POLD2: variants seen among roughly 807,000 people sequenced by gnomAD.
The protein encoded by POLD2 is DNA polymerase delta 2, accessory subunit.
POLD2 carries 31 observed loss-of-function variants against 48.8 expected under a neutral mutation model. The observed-to-expected ratio is 0.64, with a 90% confidence interval of 0.48 to 0.86. POLD2 has a LOEUF of 0.86. Among genes scored for constraint, POLD2 ranks in the 40% least tolerant of loss-of-function variants. POLD2 has a pLI of 0.00. For missense variants in POLD2, 455 were observed against 610.1 expected, an observed-to-expected ratio of 0.75 and a Z score of 2.68; for synonymous variants, 233 against 256.3, an observed-to-expected ratio of 0.91 and a Z score of 0.87.
chr7:44,123,792 G>A, upstream of POLD2: 1 of 1,117,460 alleles, frequency 8.9e-7, no homozygotes, highest in East Asian at 3.3e-5. Flanking sequence ...GCGTGCAGGG[G>A]TTGGGCTGAC....
upstream of POLD2, chr7:44,123,697 A>T: frequency 3.7e-6 from 5 of 1,352,124 alleles, no homozygotes; most frequent in South Asian, 8.9e-5. Context: ...ACGCCCAGAG[A>T]ACGCGGAGCC....
chr7:44,118,760 C>T (rs2096244392), intron 2 of POLD2, among the ~76,000 whole-genome samples: 1 of 151,864 alleles, frequency 6.6e-6, no homozygotes, highest in African/African-American at 2.4e-5. Context: ...ACCTTGTGAT[C>T]TGCCCGCCTC....
Position 44,123,533 on chromosome 7 carries a change from C to T in POLD2, c.-79G>A. ...CACCGCGCGGCGCGCCGCATCCCGC[C>T]AATCCCCGCGCGCCTGCCCCGCCCA... On this transcript the variant is annotated 5_prime_UTR_variant, in exon 1 of 11. Transcript: ENST00000610533. 1 of 1,489,028 alleles carries T rather than the reference C, an allele frequency of 6.7e-7. No homozygotes were observed. The highest frequency in any genetic ancestry group is 8.9e-7 in the Non-Finnish European group (1 of 1,127,466). The allele number at this position is 1,489,028 out of a possible 1,614,324, so 92.2% of individuals were successfully genotyped here.
intron 1 of POLD2, chr7:44,123,147 T>G: frequency 4.3e-6 from 3 of 695,216 alleles, no homozygotes; most frequent in East Asian, 4.6e-5. Context: ...CTCCAATTGA[T>G]TTGTTTCGTT....
intron 2 of POLD2, among the ~76,000 whole-genome samples, chr7:44,120,329 G>A (rs553764177): frequency 3.9e-5 from 6 of 152,312 alleles, no homozygotes; most frequent in East Asian, 3.9e-4. Flanking sequence ...AGGTGCTGCC[G>A]GAAAGAATCT....
chr7:44,117,080 C>CA, intron 5 of POLD2, 53 bp downstream of exon 5: 1 of 1,609,568 alleles, frequency 6.2e-7, no homozygotes, highest in South Asian at 1.1e-5. Flanking sequence ...AGGTGCAACT[C>CA]AAAGATTCCA....
chr7:44,123,426 A>C, intron 1 of POLD2, 85 bp downstream of exon 1: 1 of 1,473,978 alleles, frequency 6.8e-7, no homozygotes, highest in Non-Finnish European at 8.9e-7. Flanking sequence ...GTCCGCCAAG[A>C]CACCAGCCCA....
At chr7:44,122,555 C>G (rs572316068) in intron 1 of POLD2, 2 of 689,118 alleles carry the variant, frequency 2.9e-6, no homozygotes, top group Non-Finnish European at 3.6e-6. Flanking sequence ...AAACCAAAAC[C>G]AAAACATAAA....
In POLD2 at chr7:44,116,478, G is replaced by T; in HGVS notation, c.813C>A (p.Ala271=). The change falls in exon 7 of 11, where the codon GCC becomes GCA. Residue 271 remains alanine, a synonymous_variant. Coordinates refer to ENST00000610533, the MANE Select transcript of POLD2 (RefSeq NM_006230.4). This position sits in a 1 kb window ranked among gnomAD's most constrained non-coding sequence, Gnocchi z 6.1. ...AKYLTKKTQA[A]SVEAVKMLDE... is the part of the protein sequence containing the mutation. ...CCAGCATCTTAACAGCCTCCACGCT[G>T]GCTGCCTGGGTTTTCTTGGTGAGGT... The T allele has an allele frequency of 6.3e-7, 1 of 1,583,788 alleles. No homozygotes were observed. The highest frequency in any genetic ancestry group is 2.3e-5 in the East Asian group (1 of 43,702).
In POLD2 at chr7:44,116,697, G is replaced by T; in HGVS notation, c.780+120C>A. On this transcript the variant is annotated intron_variant, in intron 6 of 10. Coordinates refer to ENST00000610533, the MANE Select transcript of POLD2 (RefSeq NM_006230.4). This position sits in a 1 kb window ranked among gnomAD's most constrained non-coding sequence, Gnocchi z 6.1. ...TGCAGGAGGCCCCAGAGTCACTGCAGGGCGCTTCCCACCGACCTGCGAGAC... is the reference window on the plus strand; with the variant it reads ...TGCAGGAGGCCCCAGAGTCACTGCATGGCGCTTCCCACCGACCTGCGAGAC... 1 of 1,142,602 alleles carries T rather than the reference G, an allele frequency of 8.8e-7. No homozygotes were observed. Among genetic ancestry groups the T allele is most frequent in the Non-Finnish European group, 1.3e-6 (1 of 791,548 alleles). 70.8% of individuals were successfully genotyped at this position (1,142,602 alleles called of 1,614,324 possible). A position where few individuals can be genotyped will look rare whatever the true frequency, so the allele number is the denominator to read the frequency against.
rs895565869 is a variant in POLD2 at position 44,115,353 on chromosome 7, C to A, written c.1191G>T (p.Glu397Asp). 1 of 1,614,070 alleles carries A rather than the reference C, an allele frequency of 6.2e-7. No homozygotes were observed. The highest frequency in any genetic ancestry group is 8.5e-7 in the Non-Finnish European group (1 of 1,179,892). Residue 397 changes from glutamate (E) to aspartate (D), a missense_variant, in exon 10 of 11, where the codon GAG becomes GAT. This residue lies in a region of POLD2 where 98 missense variants were observed against 138.6 expected (regional missense o/e 0.71). Coordinates refer to ENST00000610533, the MANE Select transcript of POLD2 (RefSeq NM_006230.4). ...TGCCACAAAAGTAGACATGCGGGCA[C>A]TCTGGGAAGATGAACGGGTCAGTTT... ...FYKTDPFIFP[E>D]CPHVYFCGNT...
In POLD2 at chr7:44,117,117, G is replaced by A. The variant is rs41548814; in HGVS notation, c.581+16C>T. 44 of 1,612,384 alleles carry A rather than the reference G, an allele frequency of 2.7e-5. No individual in the cohort carries two copies. The highest frequency in any genetic ancestry group is 3.4e-5 in the Non-Finnish European group (40 of 1,178,520). Reference sequence around the variant, plus strand: ...TGACCATGAGCTGGTTCCAGCTCCCGAGAACTGCTGCTCACCTATCTGTGT... The same window carrying A: ...TGACCATGAGCTGGTTCCAGCTCCCAAGAACTGCTGCTCACCTATCTGTGT... On this transcript the variant is annotated intron_variant, in intron 5 of 10. Transcript: ENST00000610533.
chr7:44,123,482 C>A, intron 1 of POLD2, 29 bp downstream of exon 1: 1 of 1,496,950 alleles, frequency 6.7e-7, no homozygotes, highest in Non-Finnish European at 8.8e-7. Flanking sequence ...CCACCCCCAG[C>A]TGACCCCGTT....
Position 44,116,772 on chromosome 7 carries a change from C to T in POLD2, c.780+45G>A, listed in dbSNP as rs1178629722. 3 of 1,597,086 alleles carry T rather than the reference C, an allele frequency of 1.9e-6. No individual in the cohort carries two copies. The highest frequency in any genetic ancestry group is 1.3e-5 in the African/African-American group (1 of 74,588). ...GGGGAAGGAGGGTCTTACAGGCTTG[C>T]AGGCTCCTGGGCTGGGGCTGAATGC... On this transcript the variant is annotated intron_variant, in intron 6 of 10. Transcript: ENST00000610533. The surrounding 1 kb of genome is among the most constrained non-coding windows in gnomAD (Gnocchi z 6.1).
rs749901391 is a variant in POLD2, at chr7:44,118,079, G to A, written c.221-15C>T. The A allele has an allele frequency of 1.2e-5, 19 of 1,613,436 alleles. No homozygotes were observed. The East Asian group carries it at 4.0e-4, about 34-fold the overall frequency. The stretch of plus-strand genomic sequence containing the variant: ...CACTCCACTGCCTGGGACACGAGGG[G>A]TACAGACTCAGAGATGAAGTAGCCC... On this transcript the variant is annotated splice_polypyrimidine_tract_variant and intron_variant, in intron 2 of 10. Coordinates refer to ENST00000610533, the MANE Select transcript of POLD2 (RefSeq NM_006230.4).
Position 44,116,509 on chromosome 7 carries a change from G to C in POLD2, c.782C>G (p.Ala261Gly). 6.4e-7 allele frequency: 1 copy of C among 1,571,490 alleles called. No homozygotes were observed. The highest frequency in any genetic ancestry group is 8.6e-7 in the Non-Finnish European group (1 of 1,157,336). The change falls in exon 7 of 11, where the codon GCC becomes GGC. Residue 261 changes from alanine to glycine, a missense_variant and splice_region_variant. Coordinates refer to ENST00000610533, the MANE Select transcript of POLD2 (RefSeq NM_006230.4). This position sits in a 1 kb window ranked among gnomAD's most constrained non-coding sequence, Gnocchi z 6.1. The part of the protein sequence containing the change: ...STQSRDSINK[A>G]KYLTKKTQAA... ...CTGGGTTTTCTTGGTGAGGTATTTGGCCTGGAATAGAAGCCCAGAAGGCCA... is the reference window on the plus strand; with the variant it reads ...CTGGGTTTTCTTGGTGAGGTATTTGCCCTGGAATAGAAGCCCAGAAGGCCA...
At position 44,116,290 on chromosome 7, in the gene POLD2, G is replaced by C. The variant is rs755388638; in HGVS notation, c.862-18C>G. The C allele has an allele frequency of 1.9e-6, 3 of 1,601,472 alleles. No individual in the cohort carries two copies. The highest frequency in any genetic ancestry group is 2.6e-6 in the Non-Finnish European group (3 of 1,172,634). On this transcript the variant is annotated intron_variant, in intron 7 of 10. Coordinates refer to ENST00000610533, the MANE Select transcript of POLD2 (RefSeq NM_006230.4). The surrounding 1 kb of genome is among the most constrained non-coding windows in gnomAD (Gnocchi z 6.1). ...ACTGAGGCCTGGAAGGCACAGGGCAGGGAGAGCTCACAGGGCCCCGAAGGA... is the reference window on the plus strand; with the variant it reads ...ACTGAGGCCTGGAAGGCACAGGGCACGGAGAGCTCACAGGGCCCCGAAGGA...
In POLD2 at chr7:44,115,298, G is replaced by A. The variant is rs147781497; in HGVS notation, c.1246C>T (p.Arg416Ter). 5 of 1,607,628 alleles carry A rather than the reference G, an allele frequency of 3.1e-6. No individual in the cohort carries two copies. The highest frequency in any genetic ancestry group is 2.2e-5 in the East Asian group (1 of 44,842). ...NTPSFGSKII[R>*]GPEDQTVLLV... Reference sequence around the variant, plus strand: ...GCCCCCAGAAGACAAAAATTACCTCGGATGATTTTGGAGCCAAAGCTGGGG... The same window carrying A: ...GCCCCCAGAAGACAAAAATTACCTCAGATGATTTTGGAGCCAAAGCTGGGG... The change falls in exon 10 of 11, where the codon CGA becomes TGA. Residue 416 changes from arginine (R) to a stop codon, truncating the protein, a stop_gained. Coordinates refer to ENST00000610533, the MANE Select transcript of POLD2 (RefSeq NM_006230.4). LOFTEE classifies it high-confidence loss of function.
chr7:44,115,266 A>AG (rs5883885), intron 10 of POLD2, 29 bp downstream of exon 10: 1,420,548 of 1,420,610 alleles, frequency 1, 710,243 homozygotes, highest in Middle Eastern at 1. Flanking sequence ...TCAGCAAATC[A>AG]GCCTGGGCCC....
Sources: allele counts gnomAD v4.1 joint callset (sites outside exome capture counted in the v4.1 genomes callset), GRCh38; gene constraint gnomAD v4.1.1; regional missense constraint gnomAD v4.1.1; non-coding constraint Gnocchi (gnomAD v3.1); transcripts MANE v1.5; gene names NCBI Gene and HGNC (gene_info 2026-07-23, HGNC 2026-07-21).